REC114: variants seen among roughly 807,000 people sequenced by gnomAD.
The protein encoded by REC114 is REC114 meiotic recombination protein, also known as meiotic recombination protein REC114.
In REC114, 27 loss-of-function variants were observed where a neutral mutation model predicts 31.3. That is an observed-to-expected ratio of 0.86 (90% confidence interval 0.64 to 1.19). The LOEUF (loss-of-function observed/expected upper bound fraction) is 1.19, where lower values mean the gene tolerates loss of function less well. REC114 is among the 50% of genes most tolerant of loss of function. The pLI, the probability that REC114 is intolerant of heterozygous loss-of-function variation, is 0.00. For missense variants in REC114, 344 were observed against 326.9 expected, an observed-to-expected ratio of 1.05 and a Z score of -0.40; for synonymous variants, 134 against 127.7, an observed-to-expected ratio of 1.05 and a Z score of -0.33.
At chr15:73,558,889 T>A (rs1308668259) in intron 5 of REC114, among the ~76,000 whole-genome samples, 1 of 152,126 alleles carries the variant, frequency 6.6e-6, no homozygotes, top group Non-Finnish European at 1.5e-5. Context: ...TGCAAAAAAA[T>A]AAAACCCAAA....
intron 2 of REC114, among the ~76,000 whole-genome samples, chr15:73,538,134 AAGC>A (rs1894184277): frequency 6.6e-6 from 1 of 152,234 alleles, no homozygotes; most frequent in Non-Finnish European, 1.5e-5. Flanking sequence ...TAAAAAATGA[AAGC>A]AGTGAACAAT....
At chr15:73,507,312 G>A (rs77214879) in intron 2 of REC114, among the ~76,000 whole-genome samples, 3,208 of 152,260 alleles carry the variant, frequency 0.021, 116 homozygotes, top group African/African-American at 0.074. Flanking sequence ...GGCCAGGATG[G>A]CTTTGAAAGC....
At chr15:73,519,936 CAG>C (rs1199319873) in intron 2 of REC114, among the ~76,000 whole-genome samples, 4 of 152,032 alleles carry the variant, frequency 2.6e-5, no homozygotes, top group Admixed American at 1.3e-4. Context: ...CTCATAGAAA[CAG>C]AGTAGAACAG....
chr15:73,526,593 T>C (rs76447662), intron 2 of REC114, among the ~76,000 whole-genome samples: 5,013 of 152,258 alleles, frequency 0.033, 307 homozygotes, highest in African/African-American at 0.11. Flanking sequence ...ATAGTGTACT[T>C]CCATTTGTCC....
intron 2 of REC114, among the ~76,000 whole-genome samples, chr15:73,489,747 GA>G (rs569484022): frequency 1.3e-4 from 18 of 138,694 alleles, no homozygotes; most frequent in East Asian, 2.1e-4. Flanking sequence ...GGCTACTCCA[GA>G]AAAAAAAAAA....
chr15:73,500,109 TTC>T (rs1395322020), intron 2 of REC114, among the ~76,000 whole-genome samples: 1 of 152,096 alleles, frequency 6.6e-6, no homozygotes, highest in Non-Finnish European at 1.5e-5. Context: ...TTTTCCTGTG[TTC>T]TCTTTAGCAC....
intron 2 of REC114, among the ~76,000 whole-genome samples, chr15:73,535,387 C>A (rs1240734959): frequency 6.6e-6 from 1 of 151,974 alleles, no homozygotes; most frequent in South Asian, 2.1e-4. Flanking sequence ...ACACCAGCAA[C>A]AGACAAACAG....
intron 2 of REC114, among the ~76,000 whole-genome samples, chr15:73,486,512 A>G (rs1402561169): frequency 6.6e-6 from 1 of 152,196 alleles, no homozygotes; most frequent in Admixed American, 6.5e-5. Flanking sequence ...CATTGGGCTC[A>G]ATTTGTCAGC....
rs112871881 is a variant in REC114, at chr15:73,467,892, CTTT to C, written c.160-5929_160-5927del. ...GCATTCCTTCTGGAGGCTCAAGAAT[CTTT>C]TTTTTTTTTTCCTGGCCTTCTCTAA... On this transcript the variant is annotated intron_variant, in intron 1 of 5. Coordinates refer to ENST00000331090, the MANE Select transcript of REC114 (RefSeq NM_001042367.2). Among the ~76,000 whole-genome samples the C allele has an allele frequency of 3.4e-5, 5 of 145,726 alleles. No homozygotes were observed. The South Asian group carries it at 6.5e-4, about 19-fold the overall frequency.
intron 4 of REC114, 96 bp from the exon 5 acceptor site, chr15:73,556,206 T>C: frequency 9.7e-7 from 1 of 1,033,890 alleles, no homozygotes. Context: ...GTATTTTCTT[T>C]CTTTGAACAT....
chr15:73,446,222 A>G (rs974704099), intron 1 of REC114, among the ~76,000 whole-genome samples: 4 of 152,196 alleles, frequency 2.6e-5, no homozygotes, highest in Non-Finnish European at 5.9e-5. Flanking sequence ...GTCTGGTTTG[A>G]CTATTGGATG....
chr15:73,508,551 G>A (rs1204421183), intron 2 of REC114, among the ~76,000 whole-genome samples: 3 of 146,378 alleles, frequency 2.0e-5, no homozygotes, highest in Admixed American at 1.4e-4. Context: ...CCACTAACTC[G>A]TCATCTAGCA....
chr15:73,556,516 TAG>T, intron 5 of REC114, 125 bp downstream of exon 5: 1 of 809,898 alleles, frequency 1.2e-6, no homozygotes, highest in Non-Finnish European at 1.9e-6. Context: ...TAAAAGGTGA[TAG>T]AGACAGAGAC....
chr15:73,545,597 C>G (rs1212778311), intron 3 of REC114, among the ~76,000 whole-genome samples: 1 of 152,140 alleles, frequency 6.6e-6, no homozygotes, highest in African/African-American at 2.4e-5. Flanking sequence ...CAGAAGCAAA[C>G]ATGGAACAAG....
At chr15:73,462,331 A>AT (rs377310081) in intron 1 of REC114, among the ~76,000 whole-genome samples, 70 of 151,374 alleles carry the variant, frequency 4.6e-4, no homozygotes, top group Admixed American at 1.1e-3. Context: ...GAAATAAGCA[A>AT]TTTTTTTTTC....
At chr15:73,524,332 A>G (rs1229930083) in intron 2 of REC114, among the ~76,000 whole-genome samples, 1 of 152,226 alleles carries the variant, frequency 6.6e-6, no homozygotes, top group Non-Finnish European at 1.5e-5. Flanking sequence ...AAATCATTTT[A>G]AGAAAGGATG....
chr15:73,512,143 A>G (rs1188634109), intron 2 of REC114, among the ~76,000 whole-genome samples: 2 of 140,696 alleles, frequency 1.4e-5, no homozygotes, highest in Admixed American at 6.8e-5. Flanking sequence ...TTGGGTGCAT[A>G]TATATTTAGG....
chr15:73,529,700 A>G (rs978484020), intron 2 of REC114, among the ~76,000 whole-genome samples: 2 of 152,218 alleles, frequency 1.3e-5, no homozygotes, highest in Non-Finnish European at 2.9e-5. Flanking sequence ...AAATCAGTTC[A>G]AAGGCCATTT....
chr15:73,487,317 ATC>A (rs1006335177), intron 2 of REC114, among the ~76,000 whole-genome samples: 12 of 152,186 alleles, frequency 7.9e-5, no homozygotes, highest in African/African-American at 2.9e-4. Context: ...CCAGAGTCTC[ATC>A]TCTAAATCAG....
Sources: allele counts gnomAD v4.1 joint callset (sites outside exome capture counted in the v4.1 genomes callset), GRCh38; gene constraint gnomAD v4.1.1; transcripts MANE v1.5; gene names NCBI Gene and HGNC (gene_info 2026-07-23, HGNC 2026-07-21).